The following CCDC25 variants were observed in gnomAD, a reference collection of about 807,000 sequenced individuals.
CCDC25 encodes coiled-coil domain-containing protein 25.
A neutral mutation model predicts 35.3 loss-of-function variants in CCDC25; 16 were observed. The ratio of observed to expected loss-of-function variants is 0.45; its 90% confidence interval spans 0.31 to 0.69. The LOEUF (loss-of-function observed/expected upper bound fraction) is 0.69. Among genes scored for constraint, CCDC25 ranks in the 30% least tolerant of loss-of-function variants. CCDC25 has a pLI of 0.06. For missense variants in CCDC25, 179 were observed against 250.7 expected (o/e 0.71, Z 1.93); for synonymous variants, 79 against 80.3 (o/e 0.98, Z 0.09).
chr8:27,740,541 C>T (rs2128936328), intron 7 of CCDC25, 24 bp from the exon 8 acceptor site: 2 of 1,597,686 alleles, frequency 1.3e-6, no homozygotes, highest in Non-Finnish European at 1.7e-6. Flanking sequence ...AACACACACA[C>T]ACATTTAAAA....
intron 4 of CCDC25, among the ~76,000 whole-genome samples, chr8:27,754,020 G>A (rs1352026028): frequency 1.3e-5 from 2 of 152,094 alleles, no homozygotes; most frequent in Non-Finnish European, 2.9e-5. Flanking sequence ...CCTATAAATA[G>A]TAGAGAGCAT....
In CCDC25 at chr8:27,735,398, T is replaced by A. The variant is rs1803185052; in HGVS notation, c.*818A>T. 1 of 152,182 alleles carries A rather than the reference T, an allele frequency of 6.6e-6. No homozygotes were observed. The highest frequency in any genetic ancestry group is 1.5e-5 in the Non-Finnish European group (1 of 68,026). 9.4% of individuals were successfully genotyped at this position (152,182 alleles called of 1,614,324 possible). A position where few individuals can be genotyped will look rare whatever the true frequency, so the allele number is the denominator to read the frequency against. On this transcript the variant is annotated 3_prime_UTR_variant, in exon 9 of 9. Coordinates refer to ENST00000356537, the MANE Select transcript of CCDC25 (RefSeq NM_018246.3). ...ATATGGACTTCTGCTTCACGCTGCA[T>A]CCTAAGGCACAAATCAGGTAACCTA...
In CCDC25 at chr8:27,772,592, A is replaced by C; in HGVS notation, c.-52T>G. ...ACCGCGGAGCAGCAGCGCTCAACTCACGAAGCTCAGGATACCAGACTCGCG... is the reference window on the plus strand; with the variant it reads ...ACCGCGGAGCAGCAGCGCTCAACTCCCGAAGCTCAGGATACCAGACTCGCG... On this transcript the variant is annotated 5_prime_UTR_variant, in exon 1 of 9. Transcript: ENST00000356537. 3 of 1,536,136 alleles carry C rather than the reference A, an allele frequency of 2.0e-6. No homozygotes were observed. The highest frequency in any genetic ancestry group is 2.6e-6 in the Non-Finnish European group (3 of 1,136,144).
chr8:27,768,077 A>C (rs1455975017), intron 1 of CCDC25, among the ~76,000 whole-genome samples: 1 of 151,984 alleles, frequency 6.6e-6, no homozygotes, highest in Non-Finnish European at 1.5e-5. Flanking sequence ...TGTGGTGGCT[A>C]AAGTGGGAGG....
intron 3 of CCDC25, among the ~76,000 whole-genome samples, chr8:27,759,437 T>C (rs1804134848): frequency 6.6e-6 from 1 of 151,328 alleles, no homozygotes; most frequent in African/African-American, 2.4e-5. Flanking sequence ...TGAAATCCCA[T>C]CACCACTAAA....
At chr8:27,764,558 C>T (rs192855710) in intron 2 of CCDC25, 57 of 289,498 alleles carry the variant, frequency 2.0e-4, no homozygotes, top group African/African-American at 1.2e-3. Context: ...GGATTACAGG[C>T]GTGAACCACC....
chr8:27,763,589 G>A (rs973534050), intron 2 of CCDC25, among the ~76,000 whole-genome samples: 5 of 152,050 alleles, frequency 3.3e-5, no homozygotes, highest in Non-Finnish European at 7.4e-5. Context: ...ATGGTAGCAC[G>A]TGCCTGTAGC....
At chr8:27,767,978 G>C (rs1458973287) in intron 1 of CCDC25, among the ~76,000 whole-genome samples, 1 of 152,104 alleles carries the variant, frequency 6.6e-6, no homozygotes, top group African/African-American at 2.4e-5. Flanking sequence ...GAGGCAGGTG[G>C]ATTACTTGGG....
chr8:27,765,628 T>TAAA (rs35721089), intron 1 of CCDC25, among the ~76,000 whole-genome samples: 16,747 of 149,490 alleles, frequency 0.11, 1,115 homozygotes, highest in East Asian at 0.33. Context: ...CTTTAAGAGT[T>TAAA]AAAAAAAAAA....
At position 27,748,494 on chromosome 8, in the gene CCDC25, C is replaced by T. The variant is rs372802643; in HGVS notation, c.348+1G>A. ...CTCCTTCAGTGGCACAAAACACTTA[C>T]ATCCTTCTGCCTGTGAAAGCCTATC... On this transcript the variant is annotated splice_donor_variant, in intron 6 of 8. Transcript: ENST00000356537. LOFTEE classifies it high-confidence loss of function. The T allele has an allele frequency of 8.7e-6, 14 of 1,610,020 alleles. No homozygotes were observed. The highest frequency in any genetic ancestry group is 1.2e-5 in the Non-Finnish European group (14 of 1,177,780).
At position 27,752,561 on chromosome 8, in the gene CCDC25, C is replaced by A. The variant is rs201856763; in HGVS notation, c.195G>T (p.Lys65Asn). ...GGTGGGCACAGTCCATCAGCACTTC[C>A]TTTGGGATGTCTTCTATATTCTCTC... ...HKGENIEDIP[K>N]EVLMDCAHLV... Residue 65 changes from lysine to asparagine, a missense_variant, in exon 5 of 9, where the codon AAG (lysine) becomes AAT (asparagine). By Grantham distance (94) the Lys-to-Asn change is moderately conservative (BLOSUM62 0). Transcript: ENST00000356537. 1 of 1,613,652 alleles carries A rather than the reference C, an allele frequency of 6.2e-7. No individual in the cohort carries two copies. The highest frequency in any genetic ancestry group is 2.2e-5 in the East Asian group (1 of 44,868).
chr8:27,768,160 C>A (rs1218711057), intron 1 of CCDC25, among the ~76,000 whole-genome samples: 1 of 152,044 alleles, frequency 6.6e-6, no homozygotes, highest in African/African-American at 2.4e-5. Context: ...TACACTTCGG[C>A]CTGGGTGACA....
Position 27,740,502 on chromosome 8 carries a change from T to C in CCDC25, c.567A>G (p.Leu189=). Residue 189 remains leucine, a synonymous_variant, in exon 8 of 9, where the codon CTA becomes CTG. Coordinates refer to ENST00000356537, the MANE Select transcript of CCDC25 (RefSeq NM_018246.3). The part of the protein sequence containing the change: ...EMDELRSYSS[L]MKVENMSSNQ... ...TTGAAGACATATTTTCAACTTTCAT[T>C]AGTGATGAATAGCTCCTAGAAGGAA... 1 of 1,608,836 alleles carries C rather than the reference T, an allele frequency of 6.2e-7. No homozygotes were observed. Among genetic ancestry groups the C allele is most frequent in the Non-Finnish European group, 8.5e-7 (1 of 1,178,140 alleles).
rs1453109527 is a variant in CCDC25 at position 27,757,092 on chromosome 8, G to A, written c.117-322C>T. On this transcript the variant is annotated intron_variant, in intron 3 of 8. Coordinates refer to ENST00000356537, the MANE Select transcript of CCDC25 (RefSeq NM_018246.3). ...TCAAAGGCTTCATGATAAAAAGGAG[G>A]CAGTGAGATTTGGTTGGCCCCTGAC... 8.5e-5 allele frequency among the ~76,000 whole-genome samples: 13 copies of A among 152,312 alleles called. No individual in the cohort carries two copies. The South Asian group carries it at 2.7e-3, about 32-fold the overall frequency.
At chr8:27,762,174 G>C (rs17478178) in intron 3 of CCDC25, among the ~76,000 whole-genome samples, 11,745 of 152,202 alleles carry the variant, frequency 0.077, 634 homozygotes, top group South Asian at 0.15. Flanking sequence ...ACTATGGCGT[G>C]GAGACAAAAA....
chr8:27,756,036 C>CT (rs1456324852), intron 4 of CCDC25, among the ~76,000 whole-genome samples: 1 of 152,138 alleles, frequency 6.6e-6, no homozygotes, highest in Non-Finnish European at 1.5e-5. Flanking sequence ...GTTTCTTTGT[C>CT]TTGACAAATC....
Position 27,734,388 on chromosome 8 carries a change from C to T in CCDC25, c.*1828G>A, listed in dbSNP as rs1312049562. ...AGGGCACAGCTCATAAAAATAGCAACAATTTCGAATTCTCCTATCCAACGT... is the reference window on the plus strand; with the variant it reads ...AGGGCACAGCTCATAAAAATAGCAATAATTTCGAATTCTCCTATCCAACGT... On this transcript the variant is annotated 3_prime_UTR_variant, in exon 9 of 9. Coordinates refer to ENST00000356537, the MANE Select transcript of CCDC25 (RefSeq NM_018246.3). 1 of 152,200 alleles carries T rather than the reference C, an allele frequency of 6.6e-6. No homozygotes were observed. Among genetic ancestry groups the T allele is most frequent in the Non-Finnish European group, 1.5e-5 (1 of 68,046 alleles). 9.4% of individuals were successfully genotyped at this position (152,200 alleles called of 1,614,324 possible). A position where few individuals can be genotyped will look rare whatever the true frequency, so the allele number is the denominator to read the frequency against.
intron 8 of CCDC25, 117 bp downstream of exon 8, chr8:27,740,355 C>T: frequency 2.0e-6 from 2 of 978,934 alleles, no homozygotes; most frequent in Non-Finnish European, 3.1e-6. Context: ...GTCCTGGTTG[C>T]CAAATCATGG....
At chr8:27,752,372 A>C (rs1259303774) in intron 5 of CCDC25, 140 bp downstream of exon 5, 84 of 633,646 alleles carry the variant, frequency 1.3e-4, no homozygotes, top group Non-Finnish European at 3.3e-5. Context: ...TCCATCTTAA[A>C]GAACAAAACA....
Sources: gnomAD v4.1 joint callset for allele counts (sites outside exome capture counted in the v4.1 genomes callset) on GRCh38, gnomAD v4.1.1 for gene constraint, MANE v1.5 for transcripts, NCBI Gene and HGNC (gene_info 2026-07-23, HGNC 2026-07-21) for gene names.